NETO1: variants seen among roughly 807,000 people sequenced by gnomAD.
NETO1 encodes neuropilin and tolloid-like protein 1.
In NETO1, 26 loss-of-function variants were observed where a neutral mutation model predicts 61.3. That is an observed-to-expected ratio of 0.42 (90% CI 0.31 to 0.59). NETO1 has a LOEUF of 0.59. Ranked by LOEUF, NETO1 falls within the 20% of genes least tolerant of loss-of-function variation. The probability of loss-of-function intolerance (pLI) is 0.12; values close to 1 mark genes in which losing one functional copy is unlikely to be tolerated. For synonymous variants in NETO1, 225 were observed against 225.8 expected, an observed-to-expected ratio of 1.00 and a Z score of 0.03; for missense variants, 531 against 662.8, an observed-to-expected ratio of 0.80 and a Z score of 2.18.
intron 4 of NETO1, among the ~76,000 whole-genome samples, chr18:72,842,450 A>G (rs975619089): frequency 6.6e-6 from 1 of 152,164 alleles, no homozygotes; most frequent in Admixed American, 6.6e-5. Flanking sequence ...TGATGCCACC[A>G]ATGATGAAGT....
intron 7 of NETO1, among the ~76,000 whole-genome samples, chr18:72,769,994 T>C (rs2145171124): frequency 6.6e-6 from 1 of 152,260 alleles, no homozygotes; most frequent in African/African-American, 2.4e-5. Flanking sequence ...TACTGCTAAA[T>C]TGTCCTTCAG....
chr18:72,794,116 C>T lies in NETO1; in HGVS notation c.639+1G>A, dbSNP rs1230804203. The stretch of plus-strand genomic sequence containing the variant: ...AGTGTGGGTTTCATCTTAAGACTGA[C>T]CTTGGACCGTGGAGGTGCTCGGATG... On this transcript the variant is annotated splice_donor_variant, in intron 6 of 10. Transcript: ENST00000327305. LOFTEE classifies it high-confidence loss of function. 6.2e-7 allele frequency: 1 copy of T among 1,614,168 alleles called. No homozygotes were observed. The highest frequency in any genetic ancestry group is 1.7e-5 in the Admixed American group (1 of 60,018).
At chr18:72,855,436 G>A (rs1406667131) in intron 4 of NETO1, among the ~76,000 whole-genome samples, 1 of 152,164 alleles carries the variant, frequency 6.6e-6, no homozygotes, top group Non-Finnish European at 1.5e-5. Flanking sequence ...GACACAGTCT[G>A]TAAAAATAAC....
chr18:72,813,549 A>T (rs186419046), intron 4 of NETO1, among the ~76,000 whole-genome samples: 12 of 152,340 alleles, frequency 7.9e-5, no homozygotes, highest in Admixed American at 7.8e-4. Context: ...GTTTTAAGAC[A>T]TTACAAACCA....
rs1415485725 is a variant in NETO1 at position 72,794,361 on chromosome 18, A to G, written c.511+2T>C. Reference sequence around the variant, plus strand: ...ACAGTATTAAATATCTATTTTACCAACCTGGTAATGGTTTCAAAGCTCCAA... The same window carrying G: ...ACAGTATTAAATATCTATTTTACCAGCCTGGTAATGGTTTCAAAGCTCCAA... On this transcript the variant is annotated splice_donor_variant, in intron 5 of 10. Coordinates refer to ENST00000327305, the MANE Select transcript of NETO1 (RefSeq NM_138966.5). LOFTEE classifies it high-confidence loss of function. The G allele has an allele frequency of 6.2e-7, 1 of 1,612,790 alleles. No individual in the cohort carries two copies. Among genetic ancestry groups the G allele is most frequent in the Non-Finnish European group, 8.5e-7 (1 of 1,179,652 alleles).
intron 7 of NETO1, 29 bp from the exon 8 acceptor site, chr18:72,756,176 G>T: frequency 8.8e-7 from 1 of 1,138,784 alleles, no homozygotes. Flanking sequence ...AGACAAAGGA[G>T]GAAAGTTATA....
At chr18:72,808,058 G>A (rs1167923532) in intron 4 of NETO1, among the ~76,000 whole-genome samples, 1 of 151,976 alleles carries the variant, frequency 6.6e-6, no homozygotes, top group Non-Finnish European at 1.5e-5. Context: ...TGCTATTAGT[G>A]AATAAAACGC....
chr18:72,755,795 T>C (rs1325296060), intron 8 of NETO1, among the ~76,000 whole-genome samples: 1 of 152,140 alleles, frequency 6.6e-6, no homozygotes, highest in Non-Finnish European at 1.5e-5. Flanking sequence ...AATAAGGTGA[T>C]GTCTTTAATG....
In NETO1 at chr18:72,749,990, T is replaced by C. The variant is rs1416075870; in HGVS notation, c.1541+72A>G. 14 of 1,162,412 alleles carry C rather than the reference T, an allele frequency of 1.2e-5. No homozygotes were observed. The Admixed American group carries it at 3.3e-4, about 28-fold the overall frequency. The allele number at this position is 1,162,412 out of a possible 1,614,324, so 72.0% of individuals were successfully genotyped here. ...GGGAAACTGAAATATGAAGACAAAA[T>C]AGAAGACAATACTCTGGAAGTATTT... On this transcript the variant is annotated intron_variant, in intron 9 of 10. Coordinates refer to ENST00000327305, the MANE Select transcript of NETO1 (RefSeq NM_138966.5).
At chr18:72,783,564 A>G in intron 7 of NETO1, 114 bp downstream of exon 7, 12 of 813,244 alleles carry the variant, frequency 1.5e-5, no homozygotes, top group South Asian at 3.3e-5. Context: ...TAAACAACAT[A>G]TTAGAGAATA....
chr18:72,798,899 T>C (rs2072409777), intron 4 of NETO1, among the ~76,000 whole-genome samples: 1 of 152,178 alleles, frequency 6.6e-6, no homozygotes, highest in South Asian at 2.1e-4. Flanking sequence ...TGGTGACCAG[T>C]TATCCAAGGA....
At position 72,830,575 on chromosome 18, in the gene NETO1, A is replaced by T. The variant is rs2073543293; in HGVS notation, c.469+28251T>A. Among the ~76,000 whole-genome samples the T allele has an allele frequency of 6.6e-6, 1 of 152,166 alleles. No homozygotes were observed. Among genetic ancestry groups the T allele is most frequent in the African/African-American group, 2.4e-5 (1 of 41,428 alleles). On this transcript the variant is annotated intron_variant, in intron 4 of 10. Transcript: ENST00000327305. The surrounding 1 kb of genome is among the most constrained non-coding windows in gnomAD (Gnocchi z 4.9). ...AGATGTATTACAGAAGACTGCCAGAATTTTTTAGGAGCAGCTTTTGGTGTG... is the reference window on the plus strand; with the variant it reads ...AGATGTATTACAGAAGACTGCCAGATTTTTTTAGGAGCAGCTTTTGGTGTG...
In NETO1 at chr18:72,750,247, A is replaced by G. The variant is rs2070549860; in HGVS notation, c.1356T>C (p.Ala452=). 6.2e-7 allele frequency: 1 copy of G among 1,614,056 alleles called. No homozygotes were observed. Among genetic ancestry groups the G allele is most frequent in the Non-Finnish European group, 8.5e-7 (1 of 1,179,992 alleles). Residue 452 remains alanine, a synonymous_variant, in exon 9 of 11, where the codon GCT becomes GCC. Transcript: ENST00000327305. The part of the protein sequence containing the change: ...GSRSNLSTRD[A]SILTEMPTQP... ...GTGTGGGCATCTCTGTCAAGATAGA[A>G]GCATCTCTTGTGCTGAGGTTACTGC...
At chr18:72,785,897 A>G (rs182500286) in intron 6 of NETO1, among the ~76,000 whole-genome samples, 234 of 152,276 alleles carry the variant, frequency 1.5e-3, no homozygotes, top group Admixed American at 3.1e-3. Flanking sequence ...CCACTCCCCA[A>G]TCGCAGCAGA....
chr18:72,748,029 C>T lies in NETO1; in HGVS notation c.*150G>A, dbSNP rs1052187931. ...TCAGTGTGCAGCGGGGATGTCTTGC[C>T]GAAGGAATAACAAATGTCTGTAATT... On this transcript the variant is annotated 3_prime_UTR_variant, in exon 11 of 11. Transcript: ENST00000327305. 9.5e-6 allele frequency: 6 copies of T among 634,728 alleles called. No homozygotes were observed. Among genetic ancestry groups the T allele is most frequent in the Admixed American group, 6.3e-5 (1 of 15,782 alleles). The allele number at this position is 634,728 out of a possible 1,614,324, so 39.3% of individuals were successfully genotyped here. A position where few individuals can be genotyped will look rare whatever the true frequency, so the allele number is the denominator to read the frequency against.
At chr18:72,769,553 A>G (rs1237482116) in intron 7 of NETO1, among the ~76,000 whole-genome samples, 1 of 152,228 alleles carries the variant, frequency 6.6e-6, no homozygotes, top group Non-Finnish European at 1.5e-5. Flanking sequence ...TGCTTTGTAA[A>G]AAAGTGTTTA....
chr18:72,851,744 A>C (rs1048471492), intron 4 of NETO1, among the ~76,000 whole-genome samples: 1 of 152,214 alleles, frequency 6.6e-6, no homozygotes, highest in African/African-American at 2.4e-5. Context: ...GTATCAGTTA[A>C]TGGTGAAACG....
chr18:72,823,088 C>A lies in NETO1; in HGVS notation c.470-28684G>T, dbSNP rs115437149. Among the ~76,000 whole-genome samples, 1,251 of 152,290 alleles carry A rather than the reference C, an allele frequency of 8.2e-3. 20 individuals are homozygous for A. The highest frequency in any genetic ancestry group is 0.028 in the African/African-American group (1,168 of 41,564). On this transcript the variant is annotated intron_variant, in intron 4 of 10. Transcript: ENST00000327305. Reference sequence around the variant, plus strand: ...ATACAGATACCCAAAAAGCCTCCCACGTATCTCACAGTCTTCTGACTTCTT... The same window carrying A: ...ATACAGATACCCAAAAAGCCTCCCAAGTATCTCACAGTCTTCTGACTTCTT...
Position 72,801,216 on chromosome 18 carries a change from C to T in NETO1, c.470-6812G>A, listed in dbSNP as rs764116070. ...GTCAGCTTCATTTTATAAATGAGTACGTGGAGTATAGACAGCATTTTCCTT... is the reference window on the plus strand; with the variant it reads ...GTCAGCTTCATTTTATAAATGAGTATGTGGAGTATAGACAGCATTTTCCTT... On this transcript the variant is annotated intron_variant, in intron 4 of 10. Coordinates refer to ENST00000327305, the MANE Select transcript of NETO1 (RefSeq NM_138966.5). Among the ~76,000 whole-genome samples the T allele has an allele frequency of 5.9e-5, 9 of 152,138 alleles. No individual in the cohort carries two copies. In the Middle Eastern group the frequency reaches 0.014, roughly 230 times the overall value.
Sources: gnomAD v4.1 joint callset for allele counts (sites outside exome capture counted in the v4.1 genomes callset) on GRCh38, gnomAD v4.1.1 for gene constraint, Gnocchi (gnomAD v3.1) non-coding constraint, MANE v1.5 for transcripts, NCBI Gene and HGNC (gene_info 2026-07-23, HGNC 2026-07-21) for gene names.